The following UTRN variants were observed in gnomAD, a reference collection of about 807,000 sequenced individuals.
UTRN encodes the protein utrophin.
In UTRN, 283 loss-of-function variants were observed where a neutral mutation model predicts 463.9. The ratio of observed to expected loss-of-function variants is 0.61; its 90% CI spans 0.55 to 0.67. The LOEUF (loss-of-function observed/expected upper bound fraction) is 0.67, where lower values mean the gene tolerates loss of function less well. UTRN is among the 30% of genes least tolerant of loss of function. The pLI, the probability that UTRN is intolerant of heterozygous loss-of-function variation, is 0.00. For missense variants in UTRN, 3,922 were observed against 4,084.3 expected (o/e 0.96, Z 1.08); for synonymous variants, 1,442 against 1,431.5 (o/e 1.01, Z -0.17).
chr6:144,710,575 T>C (rs1002983874), intron 53 of UTRN, among the ~76,000 whole-genome samples: 2 of 152,224 alleles, frequency 1.3e-5, no homozygotes, highest in South Asian at 2.1e-4. Flanking sequence ...TCTCAGAACA[T>C]TGATATATTT....
At chr6:144,759,872 A>T (rs193178988) in intron 58 of UTRN, among the ~76,000 whole-genome samples, 220 of 152,278 alleles carry the variant, frequency 1.4e-3, no homozygotes, top group Admixed American at 5.1e-3. Context: ...ATAGAAAATT[A>T]ATGCATGTAC....
At chr6:144,532,972 C>A in intron 42 of UTRN, 113 bp from the exon 43 acceptor site, 2 of 515,376 alleles carry the variant, frequency 3.9e-6, no homozygotes, top group Non-Finnish European at 3.4e-6. Flanking sequence ...AATATCTTTC[C>A]AGGAGTTTGT....
intron 2 of UTRN, among the ~76,000 whole-genome samples, chr6:144,371,682 A>G (rs1358321130): frequency 4.6e-5 from 7 of 152,238 alleles, no homozygotes; most frequent in Non-Finnish European, 1.0e-4. Flanking sequence ...CGCTGGGATT[A>G]CAGGCATGAG....
At chr6:144,288,756 CTT>C (rs1197688763) in intron 1 of UTRN, among the ~76,000 whole-genome samples, 11 of 132,244 alleles carry the variant, frequency 8.3e-5, no homozygotes, top group African/African-American at 2.0e-4. Flanking sequence ...CTCTCTCTCT[CTT>C]TTTTTTTTTT....
At chr6:144,658,812 G>C (rs1305475884) in intron 51 of UTRN, among the ~76,000 whole-genome samples, 1 of 152,188 alleles carries the variant, frequency 6.6e-6, no homozygotes, top group Non-Finnish European at 1.5e-5. Flanking sequence ...ATTTGGATTG[G>C]AGTTTTTTTC....
chr6:144,341,842 A>G (rs1259792033), intron 2 of UTRN, among the ~76,000 whole-genome samples: 1 of 152,252 alleles, frequency 6.6e-6, no homozygotes, highest in East Asian at 1.9e-4. Context: ...TACTATAGAT[A>G]GAAGTATGAA....
intron 51 of UTRN, among the ~76,000 whole-genome samples, chr6:144,597,007 G>C (rs1288862065): frequency 6.6e-6 from 1 of 152,170 alleles, no homozygotes; most frequent in Non-Finnish European, 1.5e-5. Context: ...GGGAGGCCAA[G>C]GTGGACAGAT....
chr6:144,673,007 A>G lies in UTRN; in HGVS notation c.7480-5399A>G, dbSNP rs896385750. 1.2e-4 allele frequency among the ~76,000 whole-genome samples: 19 copies of G among 152,096 alleles called. 1 individual carries two copies. The highest frequency in any genetic ancestry group is 4.3e-4 in the African/African-American group (18 of 41,428). On this transcript the variant is annotated intron_variant, in intron 51 of 74. Coordinates refer to ENST00000367545, the MANE Select transcript of UTRN (RefSeq NM_007124.3). ...AAGGTTCCTTTTGGAATTAATTCAC[A>G]ATTTTATTCCATTGTGGTCTTCTGA...
chr6:144,848,188 G>A (rs1225484703), intron 74 of UTRN, among the ~76,000 whole-genome samples: 2 of 152,116 alleles, frequency 1.3e-5, no homozygotes, highest in East Asian at 1.9e-4. Flanking sequence ...ACTGGAGGAT[G>A]TGTGATAGCT....
intron 74 of UTRN, among the ~76,000 whole-genome samples, chr6:144,848,884 G>T (rs9376865): frequency 0.53 from 79,996 of 151,788 alleles, 23,854 homozygotes; most frequent in East Asian, 0.96. Context: ...GCATAATGGA[G>T]TCATATAGTC....
At chr6:144,517,324 G>A (rs565945125) in intron 39 of UTRN, among the ~76,000 whole-genome samples, 1 of 151,664 alleles carries the variant, frequency 6.6e-6, no homozygotes, top group South Asian at 2.1e-4. Context: ...TTATATTCTA[G>A]TAAAGATTCA....
chr6:144,476,632 A>G (rs1018722693), intron 25 of UTRN, among the ~76,000 whole-genome samples: 7 of 152,212 alleles, frequency 4.6e-5, no homozygotes, highest in Admixed American at 3.9e-4. Context: ...AGGAAAAATC[A>G]GTAACGGGGA....
intron 51 of UTRN, among the ~76,000 whole-genome samples, 180 bp from the exon 52 acceptor site, chr6:144,678,226 G>GC (rs1462914130): frequency 6.6e-6 from 1 of 152,094 alleles, no homozygotes; most frequent in African/African-American, 2.4e-5. Flanking sequence ...AAAGAACAAA[G>GC]CTGGAGGTAC....
chr6:144,744,352 G>GTATA (rs755214897), intron 54 of UTRN, among the ~76,000 whole-genome samples: 1 of 135,728 alleles, frequency 7.4e-6, no homozygotes, highest in South Asian at 2.3e-4. Context: ...GTGTGTGTGT[G>GTATA]TATAAAATTT....
chr6:144,630,029 C>CA (rs34039801), intron 51 of UTRN, among the ~76,000 whole-genome samples: 9 of 150,980 alleles, frequency 6.0e-5, no homozygotes, highest in Middle Eastern at 3.4e-3. Context: ...ACTAAAAATA[C>CA]AAAAAAAAAT....
In UTRN at chr6:144,605,723, A is replaced by G. The variant is rs955245661; in HGVS notation, c.7479+28435A>G. ...TTCATGTTTTGTATCTAACAACTGA[A>G]CTTAATACTTAAGTATAAAGTAAGA... On this transcript the variant is annotated intron_variant, in intron 51 of 74. Coordinates refer to ENST00000367545, the MANE Select transcript of UTRN (RefSeq NM_007124.3). Among the ~76,000 whole-genome samples the G allele has an allele frequency of 2.7e-5, 4 of 150,276 alleles. No homozygotes were observed. In the East Asian group the frequency reaches 5.9e-4, roughly 22 times the overall value.
rs532311681 is a variant in UTRN, at chr6:144,613,770, A to G, written c.7479+36482A>G. On this transcript the variant is annotated intron_variant, in intron 51 of 74. Coordinates refer to ENST00000367545, the MANE Select transcript of UTRN (RefSeq NM_007124.3). ...TTTATTTTAAATTAATTATACTTCAATAAAGCTGACAAGAAACCCCTCCCC... is the reference window on the plus strand; with the variant it reads ...TTTATTTTAAATTAATTATACTTCAGTAAAGCTGACAAGAAACCCCTCCCC... Among the ~76,000 whole-genome samples the G allele has an allele frequency of 8.5e-5, 13 of 152,058 alleles. No individual in the cohort carries two copies. In the East Asian group the frequency reaches 9.6e-4, roughly 11 times the overall value.
intron 51 of UTRN, among the ~76,000 whole-genome samples, chr6:144,594,531 T>C (rs2128633414): frequency 6.6e-6 from 1 of 152,320 alleles, no homozygotes; most frequent in African/African-American, 2.4e-5. Context: ...TAAACCAAAT[T>C]TCAATTTTTC....
intron 51 of UTRN, among the ~76,000 whole-genome samples, chr6:144,653,572 C>G (rs531582139): frequency 1.3e-5 from 2 of 148,860 alleles, no homozygotes; most frequent in African/African-American, 5.0e-5. Flanking sequence ...GGCGACAGAG[C>G]GAGACTCCAT....
Sources: allele counts gnomAD v4.1 joint callset (sites outside exome capture counted in the v4.1 genomes callset), GRCh38; gene constraint gnomAD v4.1.1; transcripts MANE v1.5; gene names NCBI Gene and HGNC (gene_info 2026-07-23, HGNC 2026-07-21).